Variants in RBFOX1 observed in about 807,000 individuals in gnomAD.
RBFOX1 encodes RNA binding fox-1 homolog 1, also known as RNA binding protein fox-1 homolog 1.
RBFOX1 carries 8 observed loss-of-function variants against 57.7 expected under a neutral mutation model. That is an observed-to-expected ratio of 0.14 (90% CI 0.08 to 0.25). The LOEUF (loss-of-function observed/expected upper bound fraction) is 0.25. RBFOX1 is among the 10% of genes least tolerant of loss of function. The probability of loss-of-function intolerance (pLI) is 1.00; values close to 1 mark genes in which losing one functional copy is unlikely to be tolerated. For missense variants in RBFOX1, 611 were observed against 548.5 expected, an observed-to-expected ratio of 1.11 and a Z score of -1.14; for synonymous variants, 326 against 222.4, an observed-to-expected ratio of 1.47 and a Z score of -4.15.
intron 4 of RBFOX1, among the ~76,000 whole-genome samples, chr16:7,515,404 G>A (rs1278012517): frequency 6.6e-6 from 1 of 151,770 alleles, no homozygotes; most frequent in East Asian, 1.9e-4. Context: ...GGAAACAAGA[G>A]TTAAAAATAC....
intron 1 of RBFOX1, among the ~76,000 whole-genome samples, chr16:6,074,556 T>A (rs925345355): frequency 1.3e-5 from 2 of 152,154 alleles, no homozygotes; most frequent in African/African-American, 4.8e-5. Flanking sequence ...AAGACTTTAC[T>A]CAAGAGGGAC....
chr16:6,440,604 C>T (rs945590023), intron 2 of RBFOX1, among the ~76,000 whole-genome samples: 1 of 151,998 alleles, frequency 6.6e-6, no homozygotes, highest in Non-Finnish European at 1.5e-5. Flanking sequence ...AGATCAAGAT[C>T]ATCCTGGCCA....
At chr16:7,018,624 C>T (rs968238650) in intron 3 of RBFOX1, among the ~76,000 whole-genome samples, 1 of 151,970 alleles carries the variant, frequency 6.6e-6, no homozygotes, top group African/African-American at 2.4e-5. Flanking sequence ...AATGTTATTT[C>T]TAGTTCTAGA....
At chr16:6,604,195 C>G (rs537020172) in intron 2 of RBFOX1, among the ~76,000 whole-genome samples, 1 of 151,726 alleles carries the variant, frequency 6.6e-6, no homozygotes, top group East Asian at 1.9e-4. Context: ...CCAGCAATTC[C>G]TACTGGGGAA....
chr16:6,656,690 C>T (rs920521622), intron 3 of RBFOX1, among the ~76,000 whole-genome samples: 5 of 151,904 alleles, frequency 3.3e-5, no homozygotes, highest in African/African-American at 1.2e-4. Flanking sequence ...AGCCTTGTTT[C>T]TGATGAGTTT....
chr16:5,506,372 C>A (rs1295838168), intron 2 of RBFOX1, among the ~76,000 whole-genome samples: 2 of 152,206 alleles, frequency 1.3e-5, no homozygotes, highest in Non-Finnish European at 2.9e-5. Flanking sequence ...CCCTCTCTGT[C>A]CTTCTCTGAC....
chr16:7,060,862 T>C (rs1162640892), intron 4 of RBFOX1, among the ~76,000 whole-genome samples: 1 of 152,234 alleles, frequency 6.6e-6, no homozygotes, highest in Non-Finnish European at 1.5e-5. Context: ...TAAGCATGAA[T>C]ACCATTCTTT....
chr16:7,206,602 T>A (rs1437153954), intron 4 of RBFOX1, among the ~76,000 whole-genome samples: 1 of 152,114 alleles, frequency 6.6e-6, no homozygotes, highest in African/African-American at 2.4e-5. Flanking sequence ...TTGCCAGTCA[T>A]ATCGTACTCA....
At chr16:7,165,012 T>C (rs1007976648) in intron 4 of RBFOX1, among the ~76,000 whole-genome samples, 8 of 152,234 alleles carry the variant, frequency 5.3e-5, no homozygotes, top group African/African-American at 1.2e-4. Flanking sequence ...CAAGTTGTGA[T>C]AATTTCAGTC....
At chr16:6,696,620 A>G (rs1030696016) in intron 3 of RBFOX1, among the ~76,000 whole-genome samples, 8 of 152,184 alleles carry the variant, frequency 5.3e-5, no homozygotes, top group African/African-American at 1.9e-4. Context: ...TCTTCATCAA[A>G]TATTATACTA....
chr16:6,676,150 A>G (rs71386441), intron 3 of RBFOX1, among the ~76,000 whole-genome samples: 60,908 of 125,606 alleles, frequency 0.48, 13,144 homozygotes, highest in Non-Finnish European at 0.51. Flanking sequence ...GCGCACACAC[A>G]CACACACACA....
At chr16:6,015,862 G>C (rs1268951724), upstream of RBFOX1, among the ~76,000 whole-genome samples, 2 of 152,198 alleles carry the variant, frequency 1.3e-5, no homozygotes. Context: ...TTATGTGTCT[G>C]CATATGCTAT....
At chr16:7,703,980 A>T (rs1195634871) in intron 14 of RBFOX1, among the ~76,000 whole-genome samples, 1 of 152,232 alleles carries the variant, frequency 6.6e-6, no homozygotes, top group Non-Finnish European at 1.5e-5. Context: ...GAAGCCATGT[A>T]TCATAATCTC....
intron 4 of RBFOX1, among the ~76,000 whole-genome samples, chr16:7,314,658 G>T (rs1284046877): frequency 1.3e-5 from 2 of 152,040 alleles, no homozygotes; most frequent in African/African-American, 2.4e-5. Flanking sequence ...GTGAAAATGG[G>T]CTGACACTCT....
chr16:6,131,060 C>G (rs79628505), intron 1 of RBFOX1, among the ~76,000 whole-genome samples: 6,412 of 152,252 alleles, frequency 0.042, 255 homozygotes, highest in East Asian at 0.2. Context: ...GGCATGCATA[C>G]TCTATGTTTC....
intron 4 of RBFOX1, among the ~76,000 whole-genome samples, chr16:5,965,541 G>A (rs571102609): frequency 9.9e-5 from 15 of 152,208 alleles, no homozygotes; most frequent in Non-Finnish European, 1.8e-4. Flanking sequence ...ACCTACAAAA[G>A]AACCAGGAAA....
chr16:6,204,356 T>C (rs949752715), intron 1 of RBFOX1, among the ~76,000 whole-genome samples: 3 of 152,322 alleles, frequency 2.0e-5, no homozygotes, highest in Middle Eastern at 3.4e-3. Context: ...CATCCAGATG[T>C]ATTACTGAAA....
At chr16:5,447,858 C>A (rs1023779340) in intron 1 of RBFOX1, among the ~76,000 whole-genome samples, 1 of 152,212 alleles carries the variant, frequency 6.6e-6, no homozygotes, top group Non-Finnish European at 1.5e-5. Context: ...AAAGTGGCCA[C>A]CACCCCTGTT....
At chr16:5,558,599 T>G (rs1244697986) in intron 2 of RBFOX1, among the ~76,000 whole-genome samples, 1 of 152,112 alleles carries the variant, frequency 6.6e-6, no homozygotes, top group African/African-American at 2.4e-5. Context: ...TTCCTTTCCT[T>G]GTCAAGGGGA....
Sources: allele counts gnomAD v4.1 joint callset (sites outside exome capture counted in the v4.1 genomes callset), GRCh38; gene constraint gnomAD v4.1.1; transcripts MANE v1.5; gene names NCBI Gene and HGNC (gene_info 2026-07-23, HGNC 2026-07-21).